Variants in CNTLN observed in about 807,000 individuals in gnomAD.
CNTLN encodes the protein centlein.
A neutral mutation model predicts 180.0 loss-of-function variants in CNTLN; 212 were observed. That is an observed-to-expected ratio of 1.18 (90% CI 1.05 to 1.32). CNTLN has a LOEUF of 1.32. Among genes scored for constraint, CNTLN ranks in the 40% most tolerant of loss-of-function variants. CNTLN has a pLI of 0.00. For synonymous variants in CNTLN, 722 were observed against 563.1 expected (o/e 1.28, Z -3.99); for missense variants, 2,095 against 1,610.9 (o/e 1.30, Z -5.14).
chr9:17,328,537 TA>T (rs1352454254), intron 8 of CNTLN, among the ~76,000 whole-genome samples: 1 of 152,104 alleles, frequency 6.6e-6, no homozygotes, highest in African/African-American at 2.4e-5. Context: ...ATTTAATACT[TA>T]AAAAAATGGT....
At chr9:17,265,429 T>G (rs1357027398) in intron 5 of CNTLN, among the ~76,000 whole-genome samples, 1 of 152,212 alleles carries the variant, frequency 6.6e-6, no homozygotes, top group African/African-American at 2.4e-5. Flanking sequence ...GATGTGCTGC[T>G]GGATTCGGTT....
At chr9:17,265,716 G>T (rs140257412) in intron 5 of CNTLN, among the ~76,000 whole-genome samples, 2,452 of 150,834 alleles carry the variant, frequency 0.016, 67 homozygotes, top group African/African-American at 0.057. Context: ...CAATTTCAGA[G>T]CCTGTTATTG....
intron 18 of CNTLN, among the ~76,000 whole-genome samples, chr9:17,455,783 A>ATGGCAGGCAGGTTTTGGGAG (rs1831074523): frequency 7.4e-6 from 1 of 134,592 alleles, no homozygotes; most frequent in Non-Finnish European, 1.6e-5. Context: ...GGTTTGGGGA[A>ATGGCAGGCAGGTTTTGGGAG]TGGCAGGCAG....
chr9:17,418,917 G>C (rs1828481670), intron 18 of CNTLN, among the ~76,000 whole-genome samples: 1 of 151,988 alleles, frequency 6.6e-6, no homozygotes, highest in Non-Finnish European at 1.5e-5. Flanking sequence ...GGAACACAAA[G>C]TATTCTTTGG....
rs572788737 is a variant in CNTLN, at chr9:17,259,812, G to A, written c.850-13921G>A. On this transcript the variant is annotated intron_variant, in intron 5 of 25. Coordinates refer to ENST00000380647, the MANE Select transcript of CNTLN (RefSeq NM_017738.4). ...TGGTAATTTATATTTCTGTGGGATCGCTGGTGATATCCCCTTTATCATTTT... is the reference window on the plus strand; with the variant it reads ...TGGTAATTTATATTTCTGTGGGATCACTGGTGATATCCCCTTTATCATTTT... Among the ~76,000 whole-genome samples the A allele has an allele frequency of 5.1e-3, 736 of 144,282 alleles. 32 individuals are homozygous for A. The highest frequency in any genetic ancestry group is 0.019 in the African/African-American group (673 of 36,270). The allele number at this position is 144,282 out of a possible 152,430, so 94.7% of individuals were successfully genotyped here.
At chr9:17,302,229 C>G (rs374278090) in intron 7 of CNTLN, among the ~76,000 whole-genome samples, 1 of 150,544 alleles carries the variant, frequency 6.6e-6, no homozygotes, top group Non-Finnish European at 1.5e-5. Context: ...CAGTGTCTCA[C>G]TCTGTTGCCT....
intron 3 of CNTLN, among the ~76,000 whole-genome samples, chr9:17,233,235 T>C (rs1162919247): frequency 6.6e-6 from 1 of 152,110 alleles, no homozygotes; most frequent in East Asian, 1.9e-4. Context: ...ACACATGAAG[T>C]AAGTTTCGTA....
At chr9:17,420,517 A>AT (rs1247526047) in intron 18 of CNTLN, among the ~76,000 whole-genome samples, 4 of 150,452 alleles carry the variant, frequency 2.7e-5, no homozygotes, top group South Asian at 2.1e-4. Flanking sequence ...TGTTTTATTG[A>AT]TTTTTTTCAT....
intron 12 of CNTLN, among the ~76,000 whole-genome samples, chr9:17,347,398 G>T (rs182405415): frequency 2.0e-5 from 3 of 152,304 alleles, no homozygotes; most frequent in Admixed American, 2.0e-4. Context: ...CTGGGGCACA[G>T]TGGCTCATGC....
chr9:17,289,818 G>A (rs1829242774), intron 6 of CNTLN, among the ~76,000 whole-genome samples: 1 of 140,668 alleles, frequency 7.1e-6, no homozygotes, highest in Admixed American at 7.0e-5. Flanking sequence ...TGAGGCTTCT[G>A]CATTGTTCAC....
At chr9:17,267,881 G>T (rs922322611) in intron 5 of CNTLN, among the ~76,000 whole-genome samples, 6 of 152,100 alleles carry the variant, frequency 3.9e-5, no homozygotes, top group African/African-American at 1.2e-4. Flanking sequence ...TTGGTTTTCA[G>T]CTCCATCAGG....
chr9:17,523,016 C>T, the CNTLN span, among the ~76,000 whole-genome samples: 14 of 152,202 alleles, frequency 9.2e-5, no homozygotes, highest in Admixed American at 4.6e-4. Flanking sequence ...GTAAAAGGTA[C>T]GAATGTCCCT....
At chr9:17,336,971 C>A (rs1261986374) in intron 10 of CNTLN, among the ~76,000 whole-genome samples, 2 of 152,184 alleles carry the variant, frequency 1.3e-5, no homozygotes, top group Non-Finnish European at 2.9e-5. Flanking sequence ...TCCTCTCTAG[C>A]ATTTGTTGTT....
rs201504862 is a variant in CNTLN, at chr9:17,273,738, T to C, written c.855T>C (p.Phe285=). 5.3e-6 allele frequency: 8 copies of C among 1,514,164 alleles called. No individual in the cohort carries two copies. The African/African-American group carries it at 7.1e-5, about 13-fold the overall frequency. The allele number at this position is 1,514,164 out of a possible 1,614,324, so 93.8% of individuals were successfully genotyped here. The change falls in exon 6 of 26, where the codon TTT becomes TTC. Residue 285 remains phenylalanine (F), a synonymous_variant. Transcript: ENST00000380647. The part of the protein sequence containing the change: ...KYSTDAKIKT[F]EDNLIEARKE... ...TATAAGCACTCTAATTTTAGACCTTTGAAGACAATTTAATTGAAGCAAGGA... is the reference window on the plus strand; with the variant it reads ...TATAAGCACTCTAATTTTAGACCTTCGAAGACAATTTAATTGAAGCAAGGA...
At chr9:17,195,453 C>G (rs937757094) in intron 2 of CNTLN, among the ~76,000 whole-genome samples, 10 of 152,130 alleles carry the variant, frequency 6.6e-5, no homozygotes, top group African/African-American at 2.4e-4. Flanking sequence ...TTTCCCATCT[C>G]AGAACGAATA....
chr9:17,321,370 C>A (rs1819898446), intron 8 of CNTLN, among the ~76,000 whole-genome samples: 1 of 152,132 alleles, frequency 6.6e-6, no homozygotes. Context: ...TTGTGTATCT[C>A]CATCTCTGGA....
At chr9:17,184,661 G>T (rs114118827) in intron 2 of CNTLN, among the ~76,000 whole-genome samples, 4 of 152,224 alleles carry the variant, frequency 2.6e-5, no homozygotes, top group African/African-American at 9.6e-5. Context: ...CTTCATTAGT[G>T]TTCAATCCAG....
intron 6 of CNTLN, among the ~76,000 whole-genome samples, chr9:17,276,109 AC>A (rs974740053): frequency 5.9e-5 from 9 of 152,128 alleles, no homozygotes. Flanking sequence ...ATAGTACTAC[AC>A]ATATACCCCC....
Position 17,466,793 on chromosome 9 carries a change from C to A in CNTLN, c.3757C>A (p.Gln1253Lys). ...TGAAACAGCAGCATCTAAGCAGCTT[C>A]AAGAATTAGCATTGCAAAGTGAACA... is the stretch of plus-strand genomic sequence containing the variant. ...EIETAASKQL[Q>K]ELALQSEQVL... Residue 1253 changes from glutamine to lysine, a missense_variant, in exon 23 of 26, where the codon CAA becomes AAA. By Grantham distance (53) the Gln-to-Lys change is moderately conservative. Coordinates refer to ENST00000380647, the MANE Select transcript of CNTLN (RefSeq NM_017738.4). 6.2e-7 allele frequency: 1 copy of A among 1,610,966 alleles called. No homozygotes were observed. Among genetic ancestry groups the A allele is most frequent in the Non-Finnish European group, 8.5e-7 (1 of 1,177,924 alleles).
Sources: allele counts gnomAD v4.1 joint callset (sites outside exome capture counted in the v4.1 genomes callset), GRCh38; gene constraint gnomAD v4.1.1; transcripts MANE v1.5; gene names NCBI Gene and HGNC (gene_info 2026-07-23, HGNC 2026-07-21).